The following WWOX variants were observed in gnomAD, a reference collection of about 807,000 sequenced individuals.
The protein encoded by WWOX is WW domain containing oxidoreductase, also known as WW domain-containing oxidoreductase.
A neutral mutation model predicts 46.2 loss-of-function variants in WWOX; 69 were observed. The observed-to-expected ratio is 1.49, with a 90% CI of 1.23 to 1.82. WWOX has a LOEUF of 1.82. Among genes scored for constraint, WWOX ranks in the 40% most tolerant of loss-of-function variants. The pLI, the probability that WWOX is intolerant of heterozygous loss-of-function variation, is 0.00. For missense variants in WWOX, 919 were observed against 542.6 expected, an observed-to-expected ratio of 1.69 and a Z score of -6.89; for synonymous variants, 359 against 202.6, an observed-to-expected ratio of 1.77 and a Z score of -6.56.
intron 8 of WWOX, among the ~76,000 whole-genome samples, chr16:78,852,258 C>G (rs1046652973): frequency 6.6e-6 from 1 of 152,194 alleles, no homozygotes; most frequent in Non-Finnish European, 1.5e-5. Context: ...CAGTATATTT[C>G]TCTTCTACTC....
At chr16:78,593,622 G>A (rs2045403190) in intron 8 of WWOX, among the ~76,000 whole-genome samples, 1 of 152,132 alleles carries the variant, frequency 6.6e-6, no homozygotes, top group African/African-American at 2.4e-5. Flanking sequence ...ACAGTTGACA[G>A]GGGGAGGTAT....
At chr16:78,354,673 G>C (rs1301602936) in intron 5 of WWOX, among the ~76,000 whole-genome samples, 1 of 151,292 alleles carries the variant, frequency 6.6e-6, no homozygotes, top group South Asian at 2.1e-4. Context: ...TTTGTTTTTT[G>C]GTTCAATGTA....
At chr16:78,713,915 T>G (rs540867455) in intron 8 of WWOX, among the ~76,000 whole-genome samples, 65 of 152,208 alleles carry the variant, frequency 4.3e-4, no homozygotes, top group Admixed American at 2.1e-3. Context: ...ACCCGAGGAC[T>G]GTCGTTGGGG....
chr16:78,401,158 G>T (rs2082403729), intron 6 of WWOX, among the ~76,000 whole-genome samples: 1 of 152,034 alleles, frequency 6.6e-6, no homozygotes, highest in Admixed American at 6.6e-5. Flanking sequence ...ACCTTCCATA[G>T]GAAAAATGTT....
intron 8 of WWOX, among the ~76,000 whole-genome samples, chr16:78,851,063 T>C (rs1049753968): frequency 2.0e-5 from 3 of 152,176 alleles, no homozygotes; most frequent in Non-Finnish European, 4.4e-5. Flanking sequence ...AGGGTAGGTG[T>C]GGACAGTGAG....
chr16:79,029,782 T>G (rs1355846810), intron 8 of WWOX, among the ~76,000 whole-genome samples: 1 of 152,210 alleles, frequency 6.6e-6, no homozygotes, highest in African/African-American at 2.4e-5. Flanking sequence ...TACCCTGGAT[T>G]TATTGGTCTT....
rs192901805 is a variant in WWOX at position 78,173,723 on chromosome 16, T to C, written c.516+9434T>C. Among the ~76,000 whole-genome samples the C allele has an allele frequency of 8.1e-4, 124 of 152,356 alleles. 1 individual carries two copies. The highest frequency in any genetic ancestry group is 2.7e-3 in the African/African-American group (114 of 41,588). Reference sequence around the variant, plus strand: ...AAAGCTAACTTGTCCAATGCAGATCTGTAAAATATACTCATAAATCTTGTT... The same window carrying C: ...AAAGCTAACTTGTCCAATGCAGATCCGTAAAATATACTCATAAATCTTGTT... On this transcript the variant is annotated intron_variant, in intron 5 of 8. Coordinates refer to ENST00000566780, the MANE Select transcript of WWOX (RefSeq NM_016373.4).
intron 8 of WWOX, among the ~76,000 whole-genome samples, chr16:78,946,253 C>T (rs1445197420): frequency 1.3e-5 from 2 of 152,130 alleles, no homozygotes; most frequent in East Asian, 1.9e-4. Context: ...TACAGCAGTG[C>T]AATCTCGGCT....
chr16:78,711,448 T>A (rs2048443268), intron 8 of WWOX, among the ~76,000 whole-genome samples: 1 of 152,158 alleles, frequency 6.6e-6, no homozygotes. Flanking sequence ...TCTTGTTGAA[T>A]ATTTAACATT....
At chr16:78,664,458 G>A (rs1452474952) in intron 8 of WWOX, among the ~76,000 whole-genome samples, 1 of 152,172 alleles carries the variant, frequency 6.6e-6, no homozygotes, top group Non-Finnish European at 1.5e-5. Context: ...CCTCGATCAG[G>A]CTGGATCATT....
intron 8 of WWOX, among the ~76,000 whole-genome samples, chr16:78,668,096 T>C (rs1247936892): frequency 6.6e-6 from 1 of 152,080 alleles, no homozygotes; most frequent in Non-Finnish European, 1.5e-5. Flanking sequence ...CTGGCCACCA[T>C]GGTGAAGCCC....
chr16:79,209,776 C>G (rs565098990), intron 8 of WWOX, among the ~76,000 whole-genome samples: 1 of 152,186 alleles, frequency 6.6e-6, no homozygotes, highest in Non-Finnish European at 1.5e-5. Flanking sequence ...TCCCTTTTCC[C>G]CACATGGGAT....
chr16:78,373,342 C>T (rs893889230), intron 5 of WWOX, among the ~76,000 whole-genome samples: 1 of 152,162 alleles, frequency 6.6e-6, no homozygotes, highest in South Asian at 2.1e-4. Flanking sequence ...AAGCTCATTT[C>T]ATTTAGTGGC....
chr16:79,069,826 T>A (rs892759698), intron 8 of WWOX, among the ~76,000 whole-genome samples: 1 of 152,132 alleles, frequency 6.6e-6, no homozygotes, highest in African/African-American at 2.4e-5. Context: ...TGGTGTTAGT[T>A]AGTCTCAGAT....
chr16:78,794,365 G>A (rs988642827), intron 8 of WWOX, among the ~76,000 whole-genome samples: 9 of 152,080 alleles, frequency 5.9e-5, no homozygotes, highest in Non-Finnish European at 1.2e-4. Flanking sequence ...GGCTCAGGAA[G>A]CTGCCTTATT....
chr16:78,671,468 G>A (rs1179882835), intron 8 of WWOX, among the ~76,000 whole-genome samples: 1 of 152,146 alleles, frequency 6.6e-6, no homozygotes, highest in Non-Finnish European at 1.5e-5. Context: ...ATTGTTTTAA[G>A]ACAATTTGCC....
chr16:78,254,419 C>G (rs2038067791), intron 5 of WWOX, among the ~76,000 whole-genome samples: 1 of 150,948 alleles, frequency 6.6e-6, no homozygotes, highest in Admixed American at 6.6e-5. Context: ...CCCACCCCAC[C>G]CCACCCCAGA....
Position 78,418,579 on chromosome 16 carries a change from C to T in WWOX, c.606-6291C>T, listed in dbSNP as rs547230407. Among the ~76,000 whole-genome samples the T allele has an allele frequency of 5.9e-5, 9 of 152,164 alleles. No homozygotes were observed. In the South Asian group the frequency reaches 1.9e-3, roughly 32 times the overall value. ...GTACAAAATGCTAGCAAGCCAAATG[C>T]AGCCACATATACAAAGAATTGTATA... On this transcript the variant is annotated intron_variant, in intron 6 of 8. Coordinates refer to ENST00000566780, the MANE Select transcript of WWOX (RefSeq NM_016373.4).
chr16:79,137,241 C>T (rs1366486893), intron 8 of WWOX, among the ~76,000 whole-genome samples: 2 of 152,146 alleles, frequency 1.3e-5, no homozygotes, highest in East Asian at 3.9e-4. Context: ...CCTCGATAGA[C>T]CTTATAGAAA....
Sources: allele counts gnomAD v4.1 joint callset (sites outside exome capture counted in the v4.1 genomes callset), GRCh38; gene constraint gnomAD v4.1.1; transcripts MANE v1.5; gene names NCBI Gene and HGNC (gene_info 2026-07-23, HGNC 2026-07-21).